LPP: variants seen among roughly 807,000 people sequenced by gnomAD.
The protein encoded by LPP is LIM domain containing preferred translocation partner in lipoma.
In LPP, 38 loss-of-function variants were observed where a neutral mutation model predicts 60.4. That is an observed-to-expected ratio of 0.63 (90% CI 0.49 to 0.83). The LOEUF (loss-of-function observed/expected upper bound fraction) is 0.83, where lower values mean the gene tolerates loss of function less well. LPP is among the 40% of genes least tolerant of loss of function. The pLI is 0.00. For synonymous variants in LPP, 328 were observed against 290.8 expected (o/e 1.13, Z -1.30); for missense variants, 902 against 783.6 (o/e 1.15, Z -1.80).
At chr3:188,357,965 T>A (rs1165364747) in intron 3 of LPP, among the ~76,000 whole-genome samples, 1 of 152,144 alleles carries the variant, frequency 6.6e-6, no homozygotes, top group Non-Finnish European at 1.5e-5. Flanking sequence ...ATGAGCTCAA[T>A]AAACATTATG....
chr3:188,874,047 C>A lies in LPP; in HGVS notation c.1711-304C>A, dbSNP rs16863673. Among the ~76,000 whole-genome samples the A allele has an allele frequency of 7.6e-3, 1,152 of 152,004 alleles. 9 individuals carry two copies. Among genetic ancestry groups the A allele is most frequent in the Non-Finnish European group, 0.011 (758 of 67,890 alleles). ...GTTGAGTGGGGGCAGCAAACTTCTA[C>A]ATGGGAGCCAAGATGGGTGGCCTCT... On this transcript the variant is annotated intron_variant, in intron 11 of 11. Coordinates refer to ENST00000617246, the MANE Select transcript of LPP (RefSeq NM_001375462.1).
chr3:188,509,687 T>TCC (rs1814745977), intron 5 of LPP, among the ~76,000 whole-genome samples: 2 of 87,358 alleles, frequency 2.3e-5, no homozygotes, highest in Admixed American at 1.3e-4. Flanking sequence ...CCTTCCTTCC[T>TCC]CTCTCTCTCT....
chr3:188,713,476 T>C (rs1712484343), intron 8 of LPP, among the ~76,000 whole-genome samples: 1 of 152,166 alleles, frequency 6.6e-6, no homozygotes, highest in Non-Finnish European at 1.5e-5. Context: ...CAATGTTAAT[T>C]TCATGATGAT....
chr3:188,644,082 A>G lies in LPP; in HGVS notation c.1113+34238A>G, dbSNP rs1044173109. On this transcript the variant is annotated intron_variant, in intron 7 of 11. Coordinates refer to ENST00000617246, the MANE Select transcript of LPP (RefSeq NM_001375462.1). The stretch of plus-strand genomic sequence containing the variant: ...CCAGTAAGAATCTCATGATCATCAT[A>G]TTTTAATAAAAGATGAAGAGGTAAG... Among the ~76,000 whole-genome samples, 3 of 152,330 alleles carry G rather than the reference A, an allele frequency of 2.0e-5. No individual in the cohort carries two copies. The East Asian group carries it at 5.8e-4, about 29-fold the overall frequency.
chr3:188,230,526 G>A (rs1326308711), intron 2 of LPP, among the ~76,000 whole-genome samples: 1 of 152,116 alleles, frequency 6.6e-6, no homozygotes, highest in Non-Finnish European at 1.5e-5. Flanking sequence ...GCTTATGCCT[G>A]TAATCCCAGC....
At position 188,223,096 on chromosome 3, in the gene LPP, T is replaced by C. The variant is rs957582082; in HGVS notation, c.-189-2309T>C. On this transcript the variant is annotated intron_variant, in intron 1 of 11. Coordinates refer to ENST00000617246, the MANE Select transcript of LPP (RefSeq NM_001375462.1). ...CAAGGCCAACTCCATCATTCCCTTT[T>C]GGGAATTCGGTGCTTCAGCTGTAAA... Among the ~76,000 whole-genome samples, 3 of 152,182 alleles carry C rather than the reference T, an allele frequency of 2.0e-5. No homozygotes were observed. The South Asian group carries it at 6.2e-4, about 32-fold the overall frequency.
chr3:188,317,172 C>G (rs972169163), intron 2 of LPP, among the ~76,000 whole-genome samples: 10 of 151,896 alleles, frequency 6.6e-5, no homozygotes, highest in African/African-American at 2.4e-4. Context: ...CACCCACGTT[C>G]TTTGCAAGAT....
intron 5 of LPP, among the ~76,000 whole-genome samples, chr3:188,509,669 CCTT>C (rs1814687102): frequency 6.1e-5 from 2 of 32,912 alleles, no homozygotes; most frequent in African/African-American, 1.1e-4. Flanking sequence ...TTCCTTCCTT[CCTT>C]CCTTCCTTCC....
At chr3:188,281,231 G>T (rs751104440) in intron 2 of LPP, among the ~76,000 whole-genome samples, 2 of 152,072 alleles carry the variant, frequency 1.3e-5, no homozygotes, top group Admixed American at 1.3e-4. Flanking sequence ...TTTTACATAT[G>T]TATGGATAAG....
At chr3:188,369,391 A>T (rs1473808326) in intron 3 of LPP, among the ~76,000 whole-genome samples, 1 of 151,886 alleles carries the variant, frequency 6.6e-6, no homozygotes, top group African/African-American at 2.4e-5. Flanking sequence ...TCTAAGCTGC[A>T]CCTCTCTGCC....
chr3:188,656,155 C>T (rs1580732671), intron 7 of LPP, among the ~76,000 whole-genome samples: 1 of 148,350 alleles, frequency 6.7e-6, no homozygotes, highest in Admixed American at 6.8e-5. Flanking sequence ...TCACGCCATT[C>T]CACTCCAGCC....
intron 4 of LPP, among the ~76,000 whole-genome samples, chr3:188,483,761 G>A (rs1478421718): frequency 6.6e-6 from 1 of 152,208 alleles, no homozygotes; most frequent in African/African-American, 2.4e-5. Flanking sequence ...CCTGGATTAT[G>A]TATAGATTTC....
In LPP at chr3:188,666,515, C is replaced by T. The variant is rs145179003; in HGVS notation, c.1114-41752C>T. The stretch of plus-strand genomic sequence containing the variant: ...GGATCTGGCCTCAGTAATTCTCTGG[C>T]TGTGTAAACTTAGGTAAGATGCTTA... On this transcript the variant is annotated intron_variant, in intron 7 of 11. Transcript: ENST00000617246. Among the ~76,000 whole-genome samples the T allele has an allele frequency of 2.3e-3, 357 of 152,292 alleles. 2 individuals carry two copies. The highest frequency in any genetic ancestry group is 0.01 in the Middle Eastern group (3 of 294).
chr3:188,722,683 C>T (rs1716909110), intron 8 of LPP, among the ~76,000 whole-genome samples: 1 of 152,164 alleles, frequency 6.6e-6, no homozygotes, highest in East Asian at 1.9e-4. Flanking sequence ...ATTAGCTCTT[C>T]TATAGAACCT....
At chr3:188,760,398 TGTGTGTGTGGG>T in intron 9 of LPP, 116 bp downstream of exon 9, 1 of 922,756 alleles carries the variant, frequency 1.1e-6, no homozygotes, top group Non-Finnish European at 1.6e-6. Context: ...GACTTCAAAA[TGTGTGTGTGGG>T]GTGTGTGTGT....
At chr3:188,333,985 A>T (rs1245069036) in intron 2 of LPP, among the ~76,000 whole-genome samples, 4 of 152,158 alleles carry the variant, frequency 2.6e-5, no homozygotes, top group Non-Finnish European at 5.9e-5. Flanking sequence ...CCTCCTTTGT[A>T]CTTTTGTATC....
At chr3:188,275,822 C>A (rs374255153) in intron 2 of LPP, among the ~76,000 whole-genome samples, 1 of 152,012 alleles carries the variant, frequency 6.6e-6, no homozygotes, top group Non-Finnish European at 1.5e-5. Context: ...ATTACAGGCA[C>A]GTGCCACCAC....
intron 1 of LPP, among the ~76,000 whole-genome samples, chr3:188,192,702 C>T (rs998798329): frequency 1.3e-5 from 2 of 152,162 alleles, no homozygotes; most frequent in Non-Finnish European, 2.9e-5. Context: ...AAAGTCTGAA[C>T]GTTCCGCTTT....
chr3:188,860,503 G>C (rs868038254), intron 9 of LPP, among the ~76,000 whole-genome samples: 1 of 152,010 alleles, frequency 6.6e-6, no homozygotes, highest in South Asian at 2.1e-4. Context: ...TGAGGCAACC[G>C]CTCAGGAACT....
Sources: gnomAD v4.1 joint callset for allele counts (sites outside exome capture counted in the v4.1 genomes callset) on GRCh38, gnomAD v4.1.1 for gene constraint, MANE v1.5 for transcripts, NCBI Gene and HGNC (gene_info 2026-07-23, HGNC 2026-07-21) for gene names.